Variants in TMEM116 observed in about 807,000 individuals in gnomAD.
TMEM116 encodes the protein transmembrane protein 116.
In TMEM116, 38 loss-of-function variants were observed where a neutral mutation model predicts 44.3. That is an observed-to-expected ratio of 0.86 (90% CI 0.66 to 1.12). The LOEUF (loss-of-function observed/expected upper bound fraction) is 1.12, where lower values mean the gene tolerates loss of function less well. TMEM116 is among the 50% of genes most tolerant of loss of function. The probability of loss-of-function intolerance (pLI) is 0.00; values close to 1 mark genes in which losing one functional copy is unlikely to be tolerated. For synonymous variants in TMEM116, 132 were observed against 144.8 expected, an observed-to-expected ratio of 0.91 and a Z score of 0.64; for missense variants, 354 against 401.7, an observed-to-expected ratio of 0.88 and a Z score of 1.01.
At chr12:111,940,472 T>TACAC (rs763389000) in intron 5 of TMEM116, among the ~76,000 whole-genome samples, 1 of 97,578 alleles carries the variant, frequency 1.0e-5, no homozygotes, top group African/African-American at 4.9e-5. Flanking sequence ...CACATATATA[T>TACAC]ATATACATAC....
rs1247001859 is a variant in TMEM116 at position 111,933,937 on chromosome 12, C to A, written c.682G>T (p.Asp228Tyr). 1.2e-5 allele frequency: 19 copies of A among 1,614,142 alleles called. No homozygotes were observed. The highest frequency in any genetic ancestry group is 1.5e-5 in the Non-Finnish European group (18 of 1,180,036). The change falls in exon 9 of 11, where the codon GAC (aspartate) becomes TAC (tyrosine). Residue 228 changes from aspartate (D) to tyrosine (Y), a missense_variant. By Grantham distance (160) the Asp-to-Tyr change is radical (BLOSUM62 -3). Coordinates refer to ENST00000552374, the MANE Select transcript of TMEM116 (RefSeq NM_001193531.2). ...ACTGGGTAGAAGCGCACCCGTTGGT[C>A]CACAATGTGAATCACTGCCCACTGT... is the stretch of plus-strand genomic sequence containing the variant. ...SEQWAVIHIV[D>Y]QRVRFYPVAF...
chr12:111,969,741 C>A (rs954043660), intron 4 of TMEM116, among the ~76,000 whole-genome samples: 6 of 152,022 alleles, frequency 3.9e-5, no homozygotes, highest in Middle Eastern at 3.4e-3. Context: ...CTGCGCCCGG[C>A]TAAATTTTTT....
intron 4 of TMEM116, among the ~76,000 whole-genome samples, chr12:111,986,856 A>G (rs1158640500): frequency 6.6e-6 from 1 of 152,176 alleles, no homozygotes; most frequent in Non-Finnish European, 1.5e-5. Context: ...CCACAAGCAC[A>G]AGAATGAAGT....
chr12:112,006,344 A>T (rs1360193857), intron 1 of TMEM116, among the ~76,000 whole-genome samples: 1 of 152,186 alleles, frequency 6.6e-6, no homozygotes, highest in Non-Finnish European at 1.5e-5. Flanking sequence ...GCTGCAATAG[A>T]GAAATGGAAC....
intron 4 of TMEM116, among the ~76,000 whole-genome samples, chr12:111,964,071 T>C (rs2074807201): frequency 6.6e-6 from 1 of 151,254 alleles, no homozygotes; most frequent in African/African-American, 2.4e-5. Context: ...TTTTTCTCAT[T>C]TCTAAAATTC....
At chr12:111,973,678 G>A (rs1043122976) in intron 4 of TMEM116, among the ~76,000 whole-genome samples, 2 of 152,144 alleles carry the variant, frequency 1.3e-5, no homozygotes, top group African/African-American at 4.8e-5. Flanking sequence ...AAGGCCAGAA[G>A]TGGTGGCTCC....
chr12:111,937,681 T>A (rs1311403655), intron 6 of TMEM116, among the ~76,000 whole-genome samples: 1 of 152,194 alleles, frequency 6.6e-6, no homozygotes, highest in Non-Finnish European at 1.5e-5. Flanking sequence ...TTTATCCTGC[T>A]AAATATAGCC....
intron 4 of TMEM116, among the ~76,000 whole-genome samples, chr12:111,943,812 C>T (rs977737657): frequency 2.0e-5 from 3 of 152,136 alleles, no homozygotes; most frequent in African/African-American, 7.2e-5. Flanking sequence ...GCTGGGATTA[C>T]AGGTGTGAGC....
At chr12:111,977,804 A>G (rs902515773) in intron 4 of TMEM116, among the ~76,000 whole-genome samples, 1 of 152,150 alleles carries the variant, frequency 6.6e-6, no homozygotes, top group African/African-American at 2.4e-5. Context: ...AGGTACCTGC[A>G]CTACCCATGA....
intron 4 of TMEM116, among the ~76,000 whole-genome samples, chr12:111,970,842 T>A (rs1199265318): frequency 1.3e-5 from 2 of 152,146 alleles, no homozygotes; most frequent in African/African-American, 2.4e-5. Flanking sequence ...CCCGCCCACC[T>A]TGGCCTCCCA....
chr12:111,995,167 T>C (rs1309358430), intron 3 of TMEM116, among the ~76,000 whole-genome samples: 1 of 152,116 alleles, frequency 6.6e-6, no homozygotes, highest in Non-Finnish European at 1.5e-5. Context: ...TTTTATTCCA[T>C]AGCAATAGTT....
intron 10 of TMEM116, among the ~76,000 whole-genome samples, chr12:111,932,206 C>T (rs1355407661): frequency 2.6e-5 from 4 of 152,168 alleles, no homozygotes; most frequent in Non-Finnish European, 5.9e-5. Flanking sequence ...CCCCTCCTCA[C>T]CATTCACCAA....
intron 1 of TMEM116, chr12:112,006,059 A>G (rs538407877): frequency 5.6e-6 from 5 of 888,298 alleles, no homozygotes; most frequent in Middle Eastern, 5.8e-4. Flanking sequence ...CTGAATCCTG[A>G]AGCAGTGAAC....
At chr12:111,951,460 TATA>T (rs2073724010) in intron 4 of TMEM116, among the ~76,000 whole-genome samples, 1 of 152,206 alleles carries the variant, frequency 6.6e-6, no homozygotes, top group Non-Finnish European at 1.5e-5. Flanking sequence ...ATGTGGTACA[TATA>T]TATCATGGAA....
chr12:111,967,606 CCT>C (rs1417542278), intron 4 of TMEM116, among the ~76,000 whole-genome samples: 1 of 151,780 alleles, frequency 6.6e-6, no homozygotes, highest in African/African-American at 2.4e-5. Flanking sequence ...ATTATCTGTC[CCT>C]GAGTTTTAGT....
At chr12:111,950,890 C>T (rs1041727925) in intron 4 of TMEM116, among the ~76,000 whole-genome samples, 2 of 152,078 alleles carry the variant, frequency 1.3e-5, no homozygotes, top group Non-Finnish European at 2.9e-5. Flanking sequence ...ACAGAGTAAA[C>T]AGACAACCTA....
At chr12:111,984,943 G>A (rs764595192) in intron 4 of TMEM116, among the ~76,000 whole-genome samples, 7 of 151,368 alleles carry the variant, frequency 4.6e-5, no homozygotes, top group South Asian at 2.1e-4. Context: ...TTTCATAAAC[G>A]AAAAAGCAAA....
At chr12:111,997,224 C>A (rs935825358) in intron 3 of TMEM116, among the ~76,000 whole-genome samples, 1 of 152,082 alleles carries the variant, frequency 6.6e-6, no homozygotes, top group Admixed American at 6.6e-5. Flanking sequence ...TAGTTCATGT[C>A]TGGTATATCT....
intron 1 of TMEM116, chr12:112,005,697 G>C (rs1480919887): frequency 2.0e-6 from 2 of 985,308 alleles, no homozygotes; most frequent in African/African-American, 1.7e-5. Flanking sequence ...CTAATAAAAG[G>C]AAGAACAAAA....
Sources: gnomAD v4.1 joint callset for allele counts (sites outside exome capture counted in the v4.1 genomes callset) on GRCh38, gnomAD v4.1.1 for gene constraint, MANE v1.5 for transcripts, NCBI Gene and HGNC (gene_info 2026-07-23, HGNC 2026-07-21) for gene names.